Variants in UBR2 observed in about 807,000 individuals in gnomAD.
UBR2 encodes ubiquitin protein ligase E3 component n-recognin 2.
Under a neutral mutation model 247.9 loss-of-function variants are expected in UBR2, and 92 were observed. The ratio of observed to expected loss-of-function variants is 0.37; its 90% CI spans 0.31 to 0.44. The LOEUF (loss-of-function observed/expected upper bound fraction) is 0.44. Ranked by LOEUF, UBR2 falls within the 20% of genes least tolerant of loss-of-function variation. The pLI is 1.00. For synonymous variants in UBR2, 672 were observed against 693.5 expected, an observed-to-expected ratio of 0.97 and a Z score of 0.49; for missense variants, 1,613 against 2,112.6, an observed-to-expected ratio of 0.76 and a Z score of 4.64.
chr6:42,647,441 A>AAAT (rs1796838117), intron 21 of UBR2, among the ~76,000 whole-genome samples: 1 of 111,132 alleles, frequency 9.0e-6, no homozygotes, highest in African/African-American at 3.5e-5. Flanking sequence ...AAAAAAAAAA[A>AAAT]AAAAATTAGC....
At chr6:42,638,072 T>G (rs896995070) in intron 15 of UBR2, among the ~76,000 whole-genome samples, 1 of 152,196 alleles carries the variant, frequency 6.6e-6, no homozygotes, top group Non-Finnish European at 1.5e-5. Context: ...GTAGAGAGTT[T>G]GTTTCATTTC....
At chr6:42,665,153 TAAG>T (rs1435617406) in intron 32 of UBR2, among the ~76,000 whole-genome samples, 3 of 152,208 alleles carry the variant, frequency 2.0e-5, no homozygotes, top group Admixed American at 2.0e-4. Flanking sequence ...TTATGATACT[TAAG>T]AAATTCTAGC....
At chr6:42,678,516 A>G in intron 40 of UBR2, 23 bp from the exon 41 acceptor site, 5 of 1,597,706 alleles carry the variant, frequency 3.1e-6, no homozygotes, top group Non-Finnish European at 2.6e-6. Flanking sequence ...AGATTTCCCA[A>G]TAATCTTTTT....
intron 5 of UBR2, among the ~76,000 whole-genome samples, chr6:42,603,992 T>C (rs1357213224): frequency 6.6e-6 from 1 of 152,218 alleles, no homozygotes; most frequent in Non-Finnish European, 1.5e-5. Context: ...TCTTTGATTG[T>C]ATGATAAAAT....
chr6:42,618,009 A>C (rs966491612), intron 11 of UBR2, among the ~76,000 whole-genome samples: 2 of 152,244 alleles, frequency 1.3e-5, no homozygotes. Flanking sequence ...CGCTATATAC[A>C]TAATTAAAAT....
At chr6:42,676,707 C>A in intron 39 of UBR2, 76 bp from the exon 40 acceptor site, 1 of 1,121,464 alleles carries the variant, frequency 8.9e-7, no homozygotes, top group Non-Finnish European at 1.3e-6. Flanking sequence ...AATATATTTG[C>A]ATGCTTAATG....
At chr6:42,644,619 T>G in intron 20 of UBR2, 83 bp downstream of exon 20, 2 of 1,194,548 alleles carry the variant, frequency 1.7e-6, no homozygotes, top group South Asian at 1.3e-5. Context: ...GGCCTGTGTT[T>G]CCTTTGTTTT....
At chr6:42,594,391 C>A in intron 4 of UBR2, 87 bp downstream of exon 4, 1 of 996,430 alleles carries the variant, frequency 1.0e-6, no homozygotes, top group Non-Finnish European at 1.5e-6. Flanking sequence ...AATGGATAAG[C>A]AAATAGTACT....
chr6:42,651,582 C>T (rs1023328591), intron 23 of UBR2, among the ~76,000 whole-genome samples: 2 of 152,010 alleles, frequency 1.3e-5, no homozygotes, highest in African/African-American at 4.8e-5. Context: ...CCCCTGCCTC[C>T]CAGGTTCAAG....
intron 7 of UBR2, among the ~76,000 whole-genome samples, chr6:42,611,184 T>C (rs1234719790): frequency 2.1e-5 from 3 of 142,530 alleles, no homozygotes; most frequent in Non-Finnish European, 4.6e-5. Context: ...TAACATGGGC[T>C]GGGCGCGGTG....
At chr6:42,643,919 A>G (rs1796590765) in intron 18 of UBR2, among the ~76,000 whole-genome samples, 2 of 152,218 alleles carry the variant, frequency 1.3e-5, no homozygotes, top group Non-Finnish European at 2.9e-5. Flanking sequence ...ATTATTTTAA[A>G]GCATTAGAAG....
intron 1 of UBR2, among the ~76,000 whole-genome samples, chr6:42,567,574 C>A (rs1489217982): frequency 1.3e-5 from 2 of 152,068 alleles, no homozygotes; most frequent in Non-Finnish European, 1.5e-5. Flanking sequence ...ACTAAAAATA[C>A]AAAAATTAAC....
intron 36 of UBR2, among the ~76,000 whole-genome samples, chr6:42,673,146 T>C (rs1465047468): frequency 6.6e-6 from 1 of 152,228 alleles, no homozygotes; most frequent in Non-Finnish European, 1.5e-5. Context: ...CCCTCATTTG[T>C]ACCACCATCT....
rs1794637901 is a variant in UBR2 at position 42,617,522 on chromosome 6, A to G, written c.1281+15A>G. 6.5e-7 allele frequency: 1 copy of G among 1,548,492 alleles called. No homozygotes were observed. Among genetic ancestry groups the G allele is most frequent in the Non-Finnish European group, 8.7e-7 (1 of 1,145,162 alleles). On this transcript the variant is annotated intron_variant, in intron 11 of 46. Transcript: ENST00000372901. ...TTCCTTCACTTGTAAGTACTGAAAG[A>G]CTAGAAGAACTTTCTTGTTTTCCAT... is the stretch of plus-strand genomic sequence containing the variant.
chr6:42,581,096 C>T, intron 2 of UBR2, among the ~76,000 whole-genome samples: 1 of 149,090 alleles, frequency 6.7e-6, no homozygotes, highest in South Asian at 2.1e-4. Context: ...TCACTGCAGC[C>T]TCAACTTCCC....
intron 1 of UBR2, among the ~76,000 whole-genome samples, chr6:42,568,840 T>G (rs867220285): frequency 3.3e-5 from 5 of 152,366 alleles, no homozygotes; most frequent in Middle Eastern, 6.8e-3. Context: ...TTTTGGATTT[T>G]AAAATATTTG....
At position 42,564,287 on chromosome 6, in the gene UBR2, C is replaced by A. The variant is rs752578667; in HGVS notation, c.-33C>A. 10 of 1,593,536 alleles carry A rather than the reference C, an allele frequency of 6.3e-6. No individual in the cohort carries two copies. Among genetic ancestry groups the A allele is most frequent in the African/African-American group, 2.7e-5 (2 of 74,662 alleles). On this transcript the variant is annotated 5_prime_UTR_variant, in exon 1 of 47. Transcript: ENST00000372901. Reference sequence around the variant, plus strand: ...CGAGGTGAGGCTGCAGCTCTCCGGGCGGCGGTAGCGCTGGGGAGGAGGAGG... The same window carrying A: ...CGAGGTGAGGCTGCAGCTCTCCGGGAGGCGGTAGCGCTGGGGAGGAGGAGG...
chr6:42,652,141 A>C (rs755198340), intron 24 of UBR2, 70 bp downstream of exon 24: 5 of 1,383,174 alleles, frequency 3.6e-6, no homozygotes, highest in Non-Finnish European at 5.0e-6. Context: ...TCTGTTAACT[A>C]TGATGATTGT....
intron 2 of UBR2, among the ~76,000 whole-genome samples, chr6:42,575,139 G>A (rs1054109236): frequency 2.6e-5 from 4 of 152,258 alleles, no homozygotes; most frequent in Admixed American, 6.5e-5. Flanking sequence ...ACATCTTTCC[G>A]TATCAGCTTA....
Sources: gnomAD v4.1 joint callset for allele counts (sites outside exome capture counted in the v4.1 genomes callset) on GRCh38, gnomAD v4.1.1 for gene constraint, MANE v1.5 for transcripts, NCBI Gene and HGNC (gene_info 2026-07-23, HGNC 2026-07-21) for gene names.